Variants in KCNIP4 observed in about 807,000 individuals in gnomAD.
The protein encoded by KCNIP4 is potassium voltage-gated channel interacting protein 4.
In KCNIP4, 12 loss-of-function variants were observed where a neutral mutation model predicts 34.0. The observed-to-expected ratio is 0.35, with a 90% CI of 0.23 to 0.57. The LOEUF (loss-of-function observed/expected upper bound fraction) is 0.57. KCNIP4 is among the 20% of genes least tolerant of loss of function. The pLI is 0.83. For synonymous variants in KCNIP4, 124 were observed against 102.2 expected (o/e 1.21, Z -1.29); for missense variants, 238 against 311.7 (o/e 0.76, Z 1.78).
Position 20,749,192 on chromosome 4 carries a change from T to A in KCNIP4, c.429+470A>T, listed in dbSNP as rs980991983. On this transcript the variant is annotated intron_variant, in intron 5 of 8. Transcript: ENST00000382152. ...AAAAAATACGTTCTCTACAGATCAC[T>A]TAAAGTTTGTAATTTAAAAAGAGAT... Among the ~76,000 whole-genome samples, 198 of 151,914 alleles carry A rather than the reference T, an allele frequency of 1.3e-3. 2 individuals are homozygous for A. The highest frequency in any genetic ancestry group is 2.2e-4 in the Non-Finnish European group (15 of 67,954).
At chr4:20,831,717 T>C (rs190328230) in intron 3 of KCNIP4, among the ~76,000 whole-genome samples, 2 of 152,302 alleles carry the variant, frequency 1.3e-5, no homozygotes, top group Admixed American at 6.5e-5. Flanking sequence ...TTGCCTTCCA[T>C]GAGGAGACTA....
intron 5 of KCNIP4, among the ~76,000 whole-genome samples, chr4:20,740,147 T>C (rs867069555): frequency 3.9e-5 from 6 of 152,138 alleles, no homozygotes; most frequent in Admixed American, 3.9e-4. Context: ...TTGAACCAAG[T>C]TGGAAAACAC....
intron 1 of KCNIP4, among the ~76,000 whole-genome samples, chr4:21,785,434 T>C (rs2109221640): frequency 1.3e-5 from 2 of 151,866 alleles, no homozygotes; most frequent in South Asian, 4.2e-4. Context: ...CTACTAAAAA[T>C]ACAAAAAATT....
At chr4:21,464,651 T>C (rs1729754695) in intron 1 of KCNIP4, 1 of 152,120 alleles carries the variant, frequency 6.6e-6, no homozygotes, top group South Asian at 2.1e-4. Context: ...GAAAAGAGTA[T>C]ATATTCTGCT....
At chr4:21,236,100 G>C (rs1177590626) in intron 1 of KCNIP4, among the ~76,000 whole-genome samples, 2 of 151,972 alleles carry the variant, frequency 1.3e-5, no homozygotes, top group East Asian at 3.9e-4. Flanking sequence ...TTGGAGACCA[G>C]CCTAGGCAAC....
At chr4:21,947,124 T>C (rs141303306) in intron 1 of KCNIP4, among the ~76,000 whole-genome samples, 15 of 152,300 alleles carry the variant, frequency 9.8e-5, no homozygotes, top group African/African-American at 2.6e-4. Flanking sequence ...GTGTCTCTAA[T>C]AGGACAGCGC....
chr4:20,744,975 A>G (rs1560426332), intron 5 of KCNIP4, among the ~76,000 whole-genome samples: 1 of 152,050 alleles, frequency 6.6e-6, no homozygotes, highest in Non-Finnish European at 1.5e-5. Context: ...TGGCCGGACA[A>G]CTGGATTTGT....
At chr4:21,735,659 T>C (rs956558280) in intron 1 of KCNIP4, among the ~76,000 whole-genome samples, 2 of 152,138 alleles carry the variant, frequency 1.3e-5, no homozygotes, top group Non-Finnish European at 1.5e-5. Flanking sequence ...GTTAAACACA[T>C]AGCATGCCAC....
At chr4:21,015,788 A>C (rs1224527074) in intron 1 of KCNIP4, among the ~76,000 whole-genome samples, 1 of 136,592 alleles carries the variant, frequency 7.3e-6, no homozygotes, top group Non-Finnish European at 1.5e-5. Context: ...TAAATATATA[A>C]ATATATATAA....
intron 1 of KCNIP4, among the ~76,000 whole-genome samples, chr4:21,756,820 G>C (rs1385966669): frequency 6.6e-6 from 1 of 151,968 alleles, no homozygotes; most frequent in East Asian, 1.9e-4. Flanking sequence ...AAATAGGCCA[G>C]GCGCAGTGGC....
At chr4:21,270,019 G>A (rs1357228550) in intron 1 of KCNIP4, among the ~76,000 whole-genome samples, 1 of 152,152 alleles carries the variant, frequency 6.6e-6, no homozygotes, top group Non-Finnish European at 1.5e-5. Context: ...AATTTATTGG[G>A]TTGAGTACTT....
At chr4:21,503,108 T>C (rs1217446843) in intron 1 of KCNIP4, among the ~76,000 whole-genome samples, 1 of 152,186 alleles carries the variant, frequency 6.6e-6, no homozygotes, top group Admixed American at 6.5e-5. Context: ...TAAAAGTGTA[T>C]GCTGCTTCTA....
At chr4:21,134,269 A>T (rs764055732) in intron 1 of KCNIP4, among the ~76,000 whole-genome samples, 1 of 152,220 alleles carries the variant, frequency 6.6e-6, no homozygotes, top group African/African-American at 2.4e-5. Flanking sequence ...ATGAAGACTT[A>T]TATGATGATC....
In KCNIP4 at chr4:21,448,508, A is replaced by G. The variant is rs186197493; in HGVS notation, c.61+500063T>C. Among the ~76,000 whole-genome samples the G allele has an allele frequency of 5.9e-5, 9 of 152,264 alleles. No homozygotes were observed. In the East Asian group the frequency reaches 1.7e-3, roughly 29 times the overall value. ...AGAATATTTCTAAGCAAATTGTTGAATATATGGCCTGATTTCTTCTCATGG... is the reference window on the plus strand; with the variant it reads ...AGAATATTTCTAAGCAAATTGTTGAGTATATGGCCTGATTTCTTCTCATGG... On this transcript the variant is annotated intron_variant, in intron 1 of 8. Coordinates refer to ENST00000382152, the MANE Select transcript of KCNIP4 (RefSeq NM_025221.6).
At chr4:21,283,953 C>G (rs1390488702) in intron 1 of KCNIP4, among the ~76,000 whole-genome samples, 1 of 152,062 alleles carries the variant, frequency 6.6e-6, no homozygotes, top group Admixed American at 6.5e-5. Flanking sequence ...GTGGCTCACA[C>G]CTGTAATCCC....
chr4:21,630,982 C>T (rs1745726281), intron 1 of KCNIP4, among the ~76,000 whole-genome samples: 1 of 152,158 alleles, frequency 6.6e-6, no homozygotes, highest in Non-Finnish European at 1.5e-5. Flanking sequence ...TTGCACCTTC[C>T]GAAATGTCAT....
chr4:21,159,210 C>G (rs971449438), intron 1 of KCNIP4, among the ~76,000 whole-genome samples: 5 of 152,048 alleles, frequency 3.3e-5, no homozygotes, highest in African/African-American at 9.7e-5. Context: ...GAATTCAAGA[C>G]TGATTATAAA....
rs895385507 is a variant in KCNIP4, at chr4:20,954,885, G to A, written c.62-72176C>T. 2.6e-5 allele frequency among the ~76,000 whole-genome samples: 4 copies of A among 152,164 alleles called. 1 individual carries two copies. In the South Asian group the frequency reaches 6.2e-4, roughly 24 times the overall value. The stretch of plus-strand genomic sequence containing the variant: ...TTATGTGCCACCCTCTTCGATTTCT[G>A]GGAAATGATCTGAATTGACTCATCT... On this transcript the variant is annotated intron_variant, in intron 1 of 8. Coordinates refer to ENST00000382152, the MANE Select transcript of KCNIP4 (RefSeq NM_025221.6).
chr4:21,686,443 G>A (rs985100249), intron 1 of KCNIP4, among the ~76,000 whole-genome samples: 2 of 151,990 alleles, frequency 1.3e-5, no homozygotes, highest in Non-Finnish European at 2.9e-5. Context: ...TAATTTATTA[G>A]TTTATCTTAT....
Sources: allele counts gnomAD v4.1 joint callset (sites outside exome capture counted in the v4.1 genomes callset), GRCh38; gene constraint gnomAD v4.1.1; transcripts MANE v1.5; gene names NCBI Gene and HGNC (gene_info 2026-07-23, HGNC 2026-07-21).